Variants in TBX15 observed in about 807,000 individuals in gnomAD.
TBX15 encodes the protein T-box transcription factor TBX15.
Under a neutral mutation model 53.9 loss-of-function variants are expected in TBX15, and 18 were observed. That is an observed-to-expected ratio of 0.33 (90% CI 0.23 to 0.49). TBX15 has a LOEUF of 0.49. Ranked by LOEUF, TBX15 falls within the 20% of genes least tolerant of loss-of-function variation. The pLI, the probability that TBX15 is intolerant of heterozygous loss-of-function variation, is 0.98. For missense variants in TBX15, 692 were observed against 749.5 expected (o/e 0.92, Z 0.90); for synonymous variants, 295 against 278.0 (o/e 1.06, Z -0.61).
At chr1:118,927,615 G>A (rs954797312) in intron 2 of TBX15, among the ~76,000 whole-genome samples, 1 of 152,164 alleles carries the variant, frequency 6.6e-6, no homozygotes, top group Non-Finnish European at 1.5e-5. Context: ...ATGAATTCTC[G>A]TGGCCTCTGG....
intron 7 of TBX15, among the ~76,000 whole-genome samples, chr1:118,897,397 C>T (rs978325061): frequency 2.6e-5 from 4 of 152,136 alleles, no homozygotes; most frequent in Non-Finnish European, 5.9e-5. Context: ...GCCATTAATG[C>T]CTGCCCTCTG....
At chr1:118,913,011 A>G (rs1448546410) in intron 6 of TBX15, among the ~76,000 whole-genome samples, 1 of 152,222 alleles carries the variant, frequency 6.6e-6, no homozygotes, top group Non-Finnish European at 1.5e-5. Context: ...TTAAATATAC[A>G]TAAGTTTAGT....
intron 7 of TBX15, among the ~76,000 whole-genome samples, chr1:118,893,612 AAAGAG>A (rs1211915030): frequency 3.4e-5 from 5 of 146,064 alleles, no homozygotes; most frequent in African/African-American, 1.3e-4. Context: ...AGAAAGAAAG[AAAGAG>A]AGAGAGAAAG....
chr1:118,905,568 G>C (rs1234722096), intron 6 of TBX15, among the ~76,000 whole-genome samples: 1 of 152,208 alleles, frequency 6.6e-6, no homozygotes, highest in Non-Finnish European at 1.5e-5. Context: ...CCAGCACAGG[G>C]CCAGCTACCT....
At chr1:118,912,313 TTTAAGAC>T (rs995439094) in intron 6 of TBX15, among the ~76,000 whole-genome samples, 4 of 85,796 alleles carry the variant, frequency 4.7e-5, no homozygotes, top group African/African-American at 9.5e-5. Flanking sequence ...AATTCTTAAC[TTTAAGAC>T]TTTTTGAAAA....
At chr1:118,944,779 G>A (rs1656294939) in intron 1 of TBX15, among the ~76,000 whole-genome samples, 1 of 152,196 alleles carries the variant, frequency 6.6e-6, no homozygotes, top group Non-Finnish European at 1.5e-5. Context: ...TGCCAGTTCA[G>A]CATCTGTCAT....
chr1:118,983,687 C>T lies in TBX15; in HGVS notation c.205+3904G>A, dbSNP rs185911176. 4.6e-5 allele frequency among the ~76,000 whole-genome samples: 7 copies of T among 152,344 alleles called. No homozygotes were observed. The East Asian group carries it at 1.4e-3, about 30-fold the overall frequency. On this transcript the variant is annotated intron_variant, in intron 1 of 7. Transcript: ENST00000369429. ...ACCCTTGACTCCTCGGAGCCAGGCA[C>T]CTCCAGGCCAGCACCAGTGCAGGGG...
rs1452487742 is a variant in TBX15, at chr1:118,945,502, A to G, written c.206-13670T>C. Among the ~76,000 whole-genome samples, 3 of 152,152 alleles carry G rather than the reference A, an allele frequency of 2.0e-5. No individual in the cohort carries two copies. The East Asian group carries it at 5.8e-4, about 29-fold the overall frequency. On this transcript the variant is annotated intron_variant, in intron 1 of 7. Transcript: ENST00000369429. The stretch of plus-strand genomic sequence containing the variant: ...ATCTGATAGGTCACAGGAGAAAGAA[A>G]GGCTTTTTCTCAATTGACCCCAAAC...
At chr1:118,917,547 T>C (rs777016241) in intron 5 of TBX15, among the ~76,000 whole-genome samples, 1 of 152,230 alleles carries the variant, frequency 6.6e-6, no homozygotes, top group Non-Finnish European at 1.5e-5. Context: ...CTGCACATCC[T>C]GCATATGTGT....
chr1:118,973,948 C>T (rs368391714), intron 1 of TBX15, among the ~76,000 whole-genome samples: 27 of 152,288 alleles, frequency 1.8e-4, no homozygotes, highest in Admixed American at 4.6e-4. Flanking sequence ...ATCTGGGTAA[C>T]GCACAGTTGT....
At chr1:118,927,635 T>C (rs1194309818) in intron 2 of TBX15, among the ~76,000 whole-genome samples, 1 of 152,190 alleles carries the variant, frequency 6.6e-6, no homozygotes. Context: ...GGCAATACCT[T>C]GTTTCTACCA....
intron 1 of TBX15, among the ~76,000 whole-genome samples, chr1:118,941,959 A>AG (rs1656189647): frequency 6.6e-6 from 1 of 152,232 alleles, no homozygotes; most frequent in African/African-American, 2.4e-5. Flanking sequence ...TGAAACTTTT[A>AG]TGAACTATTA....
At chr1:118,978,319 C>G (rs1657506911) in intron 1 of TBX15, among the ~76,000 whole-genome samples, 1 of 152,138 alleles carries the variant, frequency 6.6e-6, no homozygotes, top group Admixed American at 6.5e-5. Context: ...TTCGTTCCAA[C>G]AAAGTAAGGA....
intron 1 of TBX15, among the ~76,000 whole-genome samples, chr1:118,957,130 T>C (rs1656719893): frequency 6.6e-6 from 1 of 152,356 alleles, no homozygotes; most frequent in Admixed American, 6.5e-5. Flanking sequence ...CTGAATGTTA[T>C]ATTTAACTAA....
rs1280374343 is a variant in TBX15 at position 118,988,264 on chromosome 1, T to C, written c.-469A>G. 6.4e-6 allele frequency: 1 copy of C among 156,708 alleles called. No individual in the cohort carries two copies. The highest frequency in any genetic ancestry group is 1.4e-5 in the Non-Finnish European group (1 of 71,436). The allele number at this position is 156,708 out of a possible 1,614,324, so 9.7% of individuals were successfully genotyped here. A position where few individuals can be genotyped will look rare whatever the true frequency, so the allele number is the denominator to read the frequency against. ...ATCCAAACTTCTGGGAAACTTTTTTTTCCGCTAAATTCCTCCCTTCCCGAG... is the reference window on the plus strand; with the variant it reads ...ATCCAAACTTCTGGGAAACTTTTTTCTCCGCTAAATTCCTCCCTTCCCGAG... On this transcript the variant is annotated 5_prime_UTR_variant, in exon 1 of 8. Transcript: ENST00000369429.
chr1:118,984,001 T>C (rs1325496321), intron 1 of TBX15, among the ~76,000 whole-genome samples: 1 of 152,252 alleles, frequency 6.6e-6, no homozygotes, highest in Non-Finnish European at 1.5e-5. Context: ...ATGTCAGAAT[T>C]AAAATCTCTG....
intron 1 of TBX15, among the ~76,000 whole-genome samples, chr1:118,968,019 T>C (rs1430366948): frequency 6.6e-6 from 1 of 152,242 alleles, no homozygotes; most frequent in Admixed American, 6.5e-5. Flanking sequence ...TAATGAATAT[T>C]CTCAGTTATG....
At chr1:118,946,891 G>A (rs1656363379) in intron 1 of TBX15, among the ~76,000 whole-genome samples, 1 of 152,128 alleles carries the variant, frequency 6.6e-6, no homozygotes, top group Non-Finnish European at 1.5e-5. Flanking sequence ...CTTTTACTCT[G>A]GTTCTCTTTT....
chr1:118,923,644 G>A, intron 4 of TBX15, 41 bp from the exon 5 acceptor site: 1 of 1,612,416 alleles, frequency 6.2e-7, no homozygotes, highest in Non-Finnish European at 8.5e-7. Flanking sequence ...TGGCTTTAAG[G>A]AACCTACATT....
Sources: allele counts gnomAD v4.1 joint callset (sites outside exome capture counted in the v4.1 genomes callset), GRCh38; gene constraint gnomAD v4.1.1; transcripts MANE v1.5; gene names NCBI Gene and HGNC (gene_info 2026-07-23, HGNC 2026-07-21).